CD72: variants seen among roughly 807,000 people sequenced by gnomAD.
CD72 encodes B-cell differentiation antigen CD72.
In CD72, 28 loss-of-function variants were observed where a neutral mutation model predicts 50.7. The observed-to-expected ratio is 0.55, with a 90% CI of 0.41 to 0.76. The LOEUF is 0.76. Ranked by LOEUF, CD72 falls within the 30% of genes least tolerant of loss-of-function variation. CD72 has a pLI of 0.00. For synonymous variants in CD72, 176 were observed against 171.2 expected (o/e 1.03, Z -0.22); for missense variants, 403 against 420.6 (o/e 0.96, Z 0.37).
intron 6 of CD72, 75 bp downstream of exon 6, chr9:35,612,773 C>T (rs765052666): frequency 2.2e-6 from 3 of 1,392,082 alleles, no homozygotes; most frequent in East Asian, 2.3e-5. Flanking sequence ...GTGTGCACTG[C>T]CATTCCTGAC....
At chr9:35,615,889 T>C in intron 5 of CD72, 54 bp downstream of exon 5, 2 of 1,426,260 alleles carry the variant, frequency 1.4e-6, no homozygotes, top group Non-Finnish European at 2.0e-6. Flanking sequence ...CTGCCACTAC[T>C]ATCTCCTTGC....
At chr9:35,629,230 C>A (rs1318818118) in intron 1 of CD72, among the ~76,000 whole-genome samples, 1 of 152,052 alleles carries the variant, frequency 6.6e-6, no homozygotes, top group African/African-American at 2.4e-5. Flanking sequence ...TGAATTTGAG[C>A]GTATTTTCAT....
chr9:35,634,055 G>T (rs1587908323), intron 1 of CD72, among the ~76,000 whole-genome samples: 1 of 151,870 alleles, frequency 6.6e-6, no homozygotes, highest in African/African-American at 2.4e-5. Flanking sequence ...ATTTCAGTCC[G>T]CTTTTATTTA....
At chr9:35,617,275 C>T (rs759041153) in intron 2 of CD72, 28 bp from the exon 3 acceptor site, 11 of 1,525,434 alleles carry the variant, frequency 7.2e-6, no homozygotes, top group Non-Finnish European at 8.8e-6. Flanking sequence ...CAGTGTGAGA[C>T]CGGAAGCCCC....
upstream of CD72, chr9:35,619,688 A>G (rs1264420915): frequency 1.3e-5 from 2 of 152,272 alleles, no homozygotes; most frequent in African/African-American, 4.8e-5. Flanking sequence ...ATGGATATGC[A>G]TGTTCCCAGG....
intron 1 of CD72, among the ~76,000 whole-genome samples, chr9:35,645,884 G>A (rs982910693): frequency 6.6e-6 from 1 of 151,902 alleles, no homozygotes; most frequent in African/African-American, 2.4e-5. Flanking sequence ...ACCTGGCCAG[G>A]CTCGGTGGCT....
intron 1 of CD72, among the ~76,000 whole-genome samples, chr9:35,629,416 T>A (rs1211962160): frequency 6.6e-6 from 1 of 152,142 alleles, no homozygotes; most frequent in Non-Finnish European, 1.5e-5. Context: ...ATCAGAGAAG[T>A]AAAACCACTA....
intron 5 of CD72, among the ~76,000 whole-genome samples, chr9:35,615,673 A>G (rs371350738): frequency 1.1e-4 from 16 of 151,336 alleles, no homozygotes; most frequent in East Asian, 3.9e-4. Flanking sequence ...CAACCGGAAG[A>G]AACCTTGGAC....
chr9:35,628,128 C>G (rs1823212159), intron 1 of CD72, among the ~76,000 whole-genome samples: 1 of 152,162 alleles, frequency 6.6e-6, no homozygotes. Context: ...ACTCACTCTG[C>G]CTGGCTTCTT....
chr9:35,644,901 CAAAAA>C (rs527855881), intron 1 of CD72, among the ~76,000 whole-genome samples: 7 of 106,982 alleles, frequency 6.5e-5, no homozygotes, highest in Admixed American at 9.3e-5. Flanking sequence ...TGACTGAAGC[CAAAAA>C]AAAAAAAAAA....
chr9:35,634,355 A>G (rs560763708), intron 1 of CD72, among the ~76,000 whole-genome samples: 7 of 152,108 alleles, frequency 4.6e-5, no homozygotes, highest in Middle Eastern at 3.4e-3. Context: ...ATAAAATGTA[A>G]TCTTTTTTAT....
intron 7 of CD72, among the ~76,000 whole-genome samples, chr9:35,611,205 T>C (rs962095584): frequency 4.0e-5 from 6 of 150,602 alleles, no homozygotes; most frequent in Admixed American, 2.0e-4. Flanking sequence ...GAGCTGAGAT[T>C]GCACCACTGC....
chr9:35,623,076 T>C (rs746121709), upstream of CD72, among the ~76,000 whole-genome samples: 1 of 152,294 alleles, frequency 6.6e-6, no homozygotes, highest in Middle Eastern at 3.4e-3. Context: ...CACTGCACTC[T>C]GGCCTGGGCA....
At chr9:35,620,396 G>A (rs1823135814), upstream of CD72, among the ~76,000 whole-genome samples, 1 of 151,770 alleles carries the variant, frequency 6.6e-6, no homozygotes, top group Non-Finnish European at 1.5e-5. Context: ...CTTGAACCCA[G>A]GAGGTGGAGG....
intron 7 of CD72, 101 bp from the exon 8 acceptor site, chr9:35,610,854 C>T: frequency 2.1e-6 from 2 of 941,538 alleles, no homozygotes; most frequent in South Asian, 3.0e-5. Context: ...ACTCACCCTG[C>T]CTGCCTAAGG....
At chr9:35,630,302 T>A (rs1587907336) in intron 1 of CD72, among the ~76,000 whole-genome samples, 1 of 152,200 alleles carries the variant, frequency 6.6e-6, no homozygotes, top group Non-Finnish European at 1.5e-5. Context: ...CCTCCCAAAG[T>A]GCTGGGATTA....
At chr9:35,626,916 A>T (rs928915928) in intron 1 of CD72, among the ~76,000 whole-genome samples, 1 of 149,368 alleles carries the variant, frequency 6.7e-6, no homozygotes, top group African/African-American at 2.5e-5. Context: ...CAGTGGCACA[A>T]TGTCAGCTCA....
chr9:35,629,231 G>A (rs370772261), intron 1 of CD72, among the ~76,000 whole-genome samples: 3 of 152,244 alleles, frequency 2.0e-5, no homozygotes, highest in East Asian at 1.9e-4. Flanking sequence ...GAATTTGAGC[G>A]TATTTTCATG....
intron 3 of CD72, 74 bp downstream of exon 3, chr9:35,617,102 G>A: frequency 8.4e-6 from 13 of 1,540,218 alleles, no homozygotes; most frequent in Non-Finnish European, 1.1e-5. Context: ...GCACCCCGCG[G>A]GGCCCAGCGC....
Sources: gnomAD v4.1 joint callset for allele counts (sites outside exome capture counted in the v4.1 genomes callset) on GRCh38, gnomAD v4.1.1 for gene constraint, MANE v1.5 for transcripts, NCBI Gene and HGNC (gene_info 2026-07-23, HGNC 2026-07-21) for gene names.